Variants in STAB1 observed in about 807,000 individuals in gnomAD.
The protein encoded by STAB1 is stabilin 1, also known as stabilin-1.
A neutral mutation model predicts 332.4 loss-of-function variants in STAB1; 250 were observed. The observed-to-expected ratio is 0.75, with a 90% confidence interval of 0.68 to 0.84. The LOEUF (loss-of-function observed/expected upper bound fraction) is 0.84. Among genes scored for constraint, STAB1 ranks in the 40% least tolerant of loss-of-function variants. The pLI is 0.00. For missense variants in STAB1, 3,249 were observed against 3,489.7 expected, an observed-to-expected ratio of 0.93 and a Z score of 1.74; for synonymous variants, 1,475 against 1,390.4, an observed-to-expected ratio of 1.06 and a Z score of -1.35.
rs1467502619 is a variant in STAB1, at chr3:52,519,254, C to A, written c.5035-10C>A. 2 of 1,609,724 alleles carry A rather than the reference C, an allele frequency of 1.2e-6. No individual in the cohort carries two copies. The highest frequency in any genetic ancestry group is 4.5e-5 in the East Asian group (2 of 44,812). On this transcript the variant is annotated splice_polypyrimidine_tract_variant and intron_variant, in intron 48 of 68. Transcript: ENST00000321725. ...CTATCTGCTTCATCAGCCCCGTGCC[C>A]CGCCCCCAGGGCAGCATATACCTCA...
At chr3:52,507,854 C>G in intron 19 of STAB1, 77 bp from the exon 20 acceptor site, 1 of 1,507,430 alleles carries the variant, frequency 6.6e-7, no homozygotes, top group Admixed American at 1.7e-5. Context: ...GGCAGAGGTC[C>G]CTTAACCAGG....
At chr3:52,517,272 G>C in intron 42 of STAB1, 48 bp from the exon 43 acceptor site, 2 of 1,508,888 alleles carry the variant, frequency 1.3e-6, no homozygotes, top group South Asian at 2.7e-5. Context: ...GACAGAGGAA[G>C]GGGGGGGCCA....
intron 17 of STAB1, 88 bp downstream of exon 17, chr3:52,506,338 C>T (rs1708863162): frequency 8.0e-6 from 10 of 1,248,910 alleles, no homozygotes; most frequent in East Asian, 2.5e-5. Context: ...CTCCGAGCCC[C>T]GTGGTGGGCA....
intron 1 of STAB1, among the ~76,000 whole-genome samples, chr3:52,499,728 T>C (rs534656091): frequency 1.5e-4 from 23 of 150,582 alleles, no homozygotes; most frequent in African/African-American, 5.1e-4. Context: ...TGAAACCCCG[T>C]CTCTACTAAA....
At chr3:52,509,503 A>G (rs1479013060) in intron 22 of STAB1, 182 bp downstream of exon 22, 1 of 604,294 alleles carries the variant, frequency 1.7e-6, no homozygotes, top group Non-Finnish European at 2.9e-6. Context: ...AAGCCCCAGG[A>G]GGAGGGACGA....
In STAB1 at chr3:52,502,967, G is replaced by T. The variant is rs1240502411; in HGVS notation, c.584-32G>T. 2.0e-6 allele frequency: 3 copies of T among 1,503,722 alleles called. No homozygotes were observed. The Admixed American group carries it at 6.3e-5, about 32-fold the overall frequency. The allele number at this position is 1,503,722 out of a possible 1,614,324, so 93.1% of individuals were successfully genotyped here. ...CTGTGTTCCTCCCCAGCCTGGGCTT[G>T]GGCTCATCAGTGCTCTCTCCACTCT... On this transcript the variant is annotated intron_variant, in intron 6 of 68. Transcript: ENST00000321725.
At position 52,524,475 on chromosome 3, in the gene STAB1, G is replaced by C. The variant is rs898260470; in HGVS notation, c.*119G>C. ...CCCAGACAATAAAGGTGCCCTCAGC[G>C]GATGTGGGCCATGTCACCAAGGAAG... On this transcript the variant is annotated 3_prime_UTR_variant, in exon 69 of 69. Transcript: ENST00000321725. The C allele has an allele frequency of 6.2e-7, 1 of 1,612,776 alleles. No homozygotes were observed. The highest frequency in any genetic ancestry group is 1.1e-5 in the South Asian group (1 of 91,084).
In STAB1 at chr3:52,519,368, G is replaced by A. The variant is rs756243478; in HGVS notation, c.5139G>A (p.Ala1713=). ...ACCGTGTCCTGCTGCCCCCCGAGGC[G>A]CTGCACTGGGAGCCTGATGATGCTC... The part of the protein sequence containing the change: ...FIDRVLLPPE[A]LHWEPDDAPI... Residue 1713 remains alanine, a synonymous_variant, in exon 49 of 69, where the codon GCG becomes GCA. Transcript: ENST00000321725. 6.8e-6 allele frequency: 11 copies of A among 1,612,988 alleles called. No individual in the cohort carries two copies. The highest frequency in any genetic ancestry group is 2.7e-5 in the African/African-American group (2 of 74,938).
chr3:52,521,640 G>A lies in STAB1; in HGVS notation c.6103G>A (p.Gly2035Ser), dbSNP rs562893776. ...VHGRCDEGLG[G>S]SGSCFCDEGW... ...TGGCCGCTGTGATGAGGGCCTTGGG[G>A]GCTCTGGCTCCTGCTTCTGTGATGA... is the stretch of plus-strand genomic sequence containing the variant. The change falls in exon 57 of 69, where the codon GGC (glycine) becomes AGC (serine). Residue 2035 changes from glycine to serine, a missense_variant. Physicochemically the swap from Gly to Ser is moderately conservative, Grantham distance 56. Transcript: ENST00000321725. The A allele has an allele frequency of 1.2e-6, 2 of 1,613,134 alleles. No homozygotes were observed. Among genetic ancestry groups the A allele is most frequent in the East Asian group, 2.2e-5 (1 of 44,878 alleles).
rs753664478 is a variant in STAB1, at chr3:52,507,657, C to G, written c.2034C>G (p.Pro678=). ...DCQALNTSTC[P]PNSVKLDIFP... is the part of the protein sequence containing the mutation. The stretch of plus-strand genomic sequence containing the variant: ...AAGCCCTGAACACCAGCACGTGTCC[C>G]CCCAACAGTGTGAAGCTGGTGAGCA... The change falls in exon 19 of 69, where the codon CCC becomes CCG. Residue 678 remains proline (P), a synonymous_variant. Coordinates refer to ENST00000321725, the MANE Select transcript of STAB1 (RefSeq NM_015136.3). 31 of 1,613,662 alleles carry G rather than the reference C, an allele frequency of 1.9e-5. No homozygotes were observed. The South Asian group carries it at 3.4e-4, about 18-fold the overall frequency.
chr3:52,517,363 C>T lies in STAB1; in HGVS notation c.4533C>T (p.His1511=), dbSNP rs572091832. 68 of 1,605,616 alleles carry T rather than the reference C, an allele frequency of 4.2e-5. No individual in the cohort carries two copies. Among genetic ancestry groups the T allele is most frequent in the South Asian group, 4.2e-4 (38 of 89,892 alleles). Residue 1511 remains histidine (H), a synonymous_variant, in exon 43 of 69, where the codon CAC becomes CAT. Transcript: ENST00000321725. ...CLIHHGGCHI[H]AECIPTGPQQ... is the part of the protein sequence containing the mutation. ...TCCACCACGGGGGCTGCCACATTCA[C>T]GCCGAGTGCATCCCCACTGGCCCCC...
chr3:52,504,518 C>T lies in STAB1; in HGVS notation c.1208C>T (p.Ser403Phe). ...TAGPFTVLVP[S>F]VSSFSSRTMN... ...GGCCCTTTCACCGTGCTGGTGCCAT[C>T]CGTCTCCTCCTTCTCCTCCAGGACC... The change falls in exon 11 of 69, where the codon TCC becomes TTC. Residue 403 changes from serine to phenylalanine, a missense_variant. Ser to Phe is a radical substitution (Grantham distance 155). Transcript: ENST00000321725. The T allele has an allele frequency of 6.2e-7, 1 of 1,614,102 alleles. No individual in the cohort carries two copies. Among genetic ancestry groups the T allele is most frequent in the East Asian group, 2.2e-5 (1 of 44,890 alleles).
chr3:52,496,519 G>A (rs747500341), intron 1 of STAB1, among the ~76,000 whole-genome samples: 3 of 152,228 alleles, frequency 2.0e-5, no homozygotes, highest in Non-Finnish European at 4.4e-5. Flanking sequence ...CAGAGAGGCA[G>A]CAGGGAGAAG....
Position 52,521,627 on chromosome 3 carries a change from T to C in STAB1, c.6090T>C (p.Asp2030=), listed in dbSNP as rs1281233698. ...ACRCTVHGRC[D]EGLGGSGSCF... is the part of the protein sequence containing the mutation. ...GCTGCACTGTGCATGGCCGCTGTGATGAGGGCCTTGGGGGCTCTGGCTCCT... is the reference window on the plus strand; with the variant it reads ...GCTGCACTGTGCATGGCCGCTGTGACGAGGGCCTTGGGGGCTCTGGCTCCT... The change falls in exon 57 of 69, where the codon GAT becomes GAC. Residue 2030 remains aspartate, a synonymous_variant. Coordinates refer to ENST00000321725, the MANE Select transcript of STAB1 (RefSeq NM_015136.3). 1 of 1,613,140 alleles carries C rather than the reference T, an allele frequency of 6.2e-7. No homozygotes were observed. The highest frequency in any genetic ancestry group is 8.5e-7 in the Non-Finnish European group (1 of 1,179,860).
rs1004696112 is a variant in STAB1 at position 52,522,632 on chromosome 3, T to C, written c.6688T>C (p.Cys2230Arg). ...GAACTTTTCGGAGGCTGAGGCGGCA[T>C]GCGAAGCACAGGGAGCCGTCCTTGC... ...GLNFSEAEAA[C>R]EAQGAVLASF... The change falls in exon 61 of 69, where the codon TGC becomes CGC. Residue 2230 changes from cysteine to arginine, a missense_variant. Physicochemically the swap from Cys to Arg is radical, Grantham distance 180. Coordinates refer to ENST00000321725, the MANE Select transcript of STAB1 (RefSeq NM_015136.3). The C allele has an allele frequency of 6.2e-7, 1 of 1,612,944 alleles. No homozygotes were observed. Among genetic ancestry groups the C allele is most frequent in the Non-Finnish European group, 8.5e-7 (1 of 1,180,016 alleles).
chr3:52,515,089 C>T, intron 36 of STAB1, 44 bp downstream of exon 36: 3 of 1,604,230 alleles, frequency 1.9e-6, no homozygotes, highest in Non-Finnish European at 2.6e-6. Flanking sequence ...GTTGCCTGCC[C>T]TCACTTCTTC....
At chr3:52,497,077 G>C (rs2153232334) in intron 1 of STAB1, among the ~76,000 whole-genome samples, 1 of 152,272 alleles carries the variant, frequency 6.6e-6, no homozygotes, top group South Asian at 2.1e-4. Context: ...TCTCGGCTCA[G>C]TGAAATCTCC....
At position 52,501,708 on chromosome 3, in the gene STAB1, G is replaced by T. The variant is rs1240404080; in HGVS notation, c.286G>T (p.Val96Leu). The T allele has an allele frequency of 3.8e-6, 6 of 1,581,158 alleles. No individual in the cohort carries two copies. The highest frequency in any genetic ancestry group is 5.2e-6 in the Non-Finnish European group (6 of 1,164,612). ...GCRRKCRKQVVQKACCPGYWG... is the reference protein window; with the variant it reads ...GCRRKCRKQVLQKACCPGYWG... ...CAGACGGAAGTGCCGGAAGCAAGTG[G>T]TGCAGAAGGCCTGCTGCCCTGGCTA... Residue 96 changes from valine (V) to leucine (L), a missense_variant, in exon 3 of 69, where the codon GTG (valine) becomes TTG (leucine). By Grantham distance (32) the Val-to-Leu change is conservative. Transcript: ENST00000321725.
Position 52,522,671 on chromosome 3 carries a change from C to T in STAB1, c.6727C>T (p.Leu2243Phe), listed in dbSNP as rs756781903. ...AGCCGTCCTTGCTTCATTCCCTCAG[C>T]TCTCTGCTGCCCAGCAGGTGTGTGG... ...QGAVLASFPQ[L>F]SAAQQLGFHL... The change falls in exon 61 of 69, where the codon CTC becomes TTC. Residue 2243 changes from leucine (L) to phenylalanine (F), a missense_variant. Physicochemically the swap from Leu to Phe is conservative, Grantham distance 22 (BLOSUM62 0). Transcript: ENST00000321725. 2 of 1,612,898 alleles carry T rather than the reference C, an allele frequency of 1.2e-6. No homozygotes were observed. Among genetic ancestry groups the T allele is most frequent in the Non-Finnish European group, 1.7e-6 (2 of 1,179,986 alleles).
Sources: gnomAD v4.1 joint callset for allele counts (sites outside exome capture counted in the v4.1 genomes callset) on GRCh38, gnomAD v4.1.1 for gene constraint, MANE v1.5 for transcripts, NCBI Gene and HGNC (gene_info 2026-07-23, HGNC 2026-07-21) for gene names.